GPR158: variants seen among roughly 807,000 people sequenced by gnomAD.
The protein encoded by GPR158 is G protein-coupled receptor 158.
GPR158 carries 30 observed loss-of-function variants against 78.2 expected under a neutral mutation model. The observed-to-expected ratio is 0.38, with a 90% CI of 0.29 to 0.52. The LOEUF is 0.52. Ranked by LOEUF, GPR158 falls within the 20% of genes least tolerant of loss-of-function variation. The pLI is 0.83. For synonymous variants in GPR158, 581 were observed against 591.1 expected, an observed-to-expected ratio of 0.98 and a Z score of 0.25; for missense variants, 1,463 against 1,523.5, an observed-to-expected ratio of 0.96 and a Z score of 0.66.
intron 2 of GPR158, among the ~76,000 whole-genome samples, chr10:25,232,440 A>G (rs1016367789): frequency 1.1e-4 from 16 of 152,222 alleles, no homozygotes; most frequent in African/African-American, 3.9e-4. Context: ...GAGCAAGTGA[A>G]GAATCATGTT....
intron 6 of GPR158, among the ~76,000 whole-genome samples, chr10:25,557,623 G>C (rs564512617): frequency 6.6e-6 from 1 of 152,294 alleles, no homozygotes; most frequent in South Asian, 2.1e-4. Context: ...AACTGGGTTG[G>C]TATATACATT....
At chr10:25,228,891 C>T (rs1013735295) in intron 2 of GPR158, among the ~76,000 whole-genome samples, 4 of 151,902 alleles carry the variant, frequency 2.6e-5, no homozygotes, top group Non-Finnish European at 4.4e-5. Context: ...AAAAATTATT[C>T]GGTTGTGGTG....
At chr10:25,596,564 T>C (rs1325376323) in intron 9 of GPR158, 79 bp from the exon 10 acceptor site, 13 of 934,388 alleles carry the variant, frequency 1.4e-5, no homozygotes, top group Non-Finnish European at 1.9e-5. Context: ...TATATAGATA[T>C]AGGTATAGAT....
At chr10:25,180,558 C>T (rs980710869) in intron 1 of GPR158, among the ~76,000 whole-genome samples, 1 of 152,106 alleles carries the variant, frequency 6.6e-6, no homozygotes, top group African/African-American at 2.4e-5. Context: ...TTTGGGCCAA[C>T]AATGCAACCA....
rs570850937 is a variant in GPR158, at chr10:25,354,210, C to T, written c.1009-41701C>T. Among the ~76,000 whole-genome samples, 4 of 151,960 alleles carry T rather than the reference C, an allele frequency of 2.6e-5. No individual in the cohort carries two copies. The Middle Eastern group carries it at 0.01, about 388-fold the overall frequency. ...CTCTACTAAAAATACAAAAAATTAG[C>T]CAGGCGTGGTGGCTCATGCCTGTAA... On this transcript the variant is annotated intron_variant, in intron 2 of 10. Coordinates refer to ENST00000376351, the MANE Select transcript of GPR158 (RefSeq NM_020752.3).
chr10:25,310,912 T>A (rs1854754672), intron 2 of GPR158, among the ~76,000 whole-genome samples: 1 of 152,066 alleles, frequency 6.6e-6, no homozygotes, highest in Admixed American at 6.6e-5. Flanking sequence ...GATCTGATTT[T>A]ATCTTTCCTC....
intron 7 of GPR158, among the ~76,000 whole-genome samples, chr10:25,583,830 T>C (rs180976962): frequency 6.6e-6 from 1 of 152,186 alleles, no homozygotes; most frequent in Admixed American, 6.5e-5. Flanking sequence ...TAAAGTGTTA[T>C]TAATACAAAA....
chr10:25,380,819 T>A (rs181416036), intron 2 of GPR158, among the ~76,000 whole-genome samples: 1 of 152,162 alleles, frequency 6.6e-6, no homozygotes, highest in South Asian at 2.1e-4. Context: ...TATTGAGTGA[T>A]TATAGAGGCT....
At chr10:25,515,254 A>G (rs1836147640) in intron 5 of GPR158, among the ~76,000 whole-genome samples, 1 of 151,948 alleles carries the variant, frequency 6.6e-6, no homozygotes, top group African/African-American at 2.4e-5. Context: ...TGAGCTCTCA[A>G]GTTCTTTCTT....
chr10:25,582,993 T>G (rs1039665535), intron 7 of GPR158, among the ~76,000 whole-genome samples: 3 of 152,198 alleles, frequency 2.0e-5, no homozygotes, highest in Non-Finnish European at 4.4e-5. Flanking sequence ...TAAGAAAATC[T>G]CAGCCAAGAA....
chr10:25,248,407 G>A (rs904104549), intron 2 of GPR158, among the ~76,000 whole-genome samples: 6 of 152,076 alleles, frequency 3.9e-5, no homozygotes, highest in Non-Finnish European at 7.4e-5. Context: ...TGTCCTGAAT[G>A]GTAATGCCTA....
chr10:25,295,900 A>G (rs1354397189), intron 2 of GPR158, among the ~76,000 whole-genome samples: 1 of 152,108 alleles, frequency 6.6e-6, no homozygotes, highest in African/African-American at 2.4e-5. Context: ...CAATTCTTCA[A>G]GGAGGCCTTC....
At chr10:25,563,107 C>CGTAAAATATCATTTGCTGCCTT (rs143060011) in intron 6 of GPR158, among the ~76,000 whole-genome samples, 16,972 of 151,934 alleles carry the variant, frequency 0.11, 1,707 homozygotes, top group African/African-American at 0.26. Context: ...TTATTATTTA[C>CGTAAAATATCATTTGCTGCCTT]GTAAAATATC....
At chr10:25,433,848 T>TGTG (rs1315650390) in intron 4 of GPR158, among the ~76,000 whole-genome samples, 2 of 151,852 alleles carry the variant, frequency 1.3e-5, no homozygotes, top group Non-Finnish European at 2.9e-5. Flanking sequence ...TCTCTTTCTC[T>TGTG]GTGTTCTCCT....
chr10:25,549,468 T>G (rs11014602), intron 5 of GPR158, among the ~76,000 whole-genome samples: 24,826 of 152,072 alleles, frequency 0.16, 4,310 homozygotes, highest in African/African-American at 0.43. Context: ...TTTACTTTTT[T>G]TTTTCCTGAA....
intron 8 of GPR158, among the ~76,000 whole-genome samples, chr10:25,590,104 T>TG (rs1337623068): frequency 6.6e-6 from 1 of 152,014 alleles, no homozygotes; most frequent in African/African-American, 2.4e-5. Flanking sequence ...GTTGTGGGTC[T>TG]GGGGGAATTT....
chr10:25,185,019 C>G (rs1030535015), intron 1 of GPR158, among the ~76,000 whole-genome samples: 6 of 152,178 alleles, frequency 3.9e-5, no homozygotes, highest in African/African-American at 1.4e-4. Context: ...TTCAGCAGCA[C>G]CTCTGGCTTC....
At chr10:25,503,514 A>G (rs2130660633) in intron 5 of GPR158, among the ~76,000 whole-genome samples, 1 of 152,346 alleles carries the variant, frequency 6.6e-6, no homozygotes, top group African/African-American at 2.4e-5. Flanking sequence ...AAGTGCAGTC[A>G]GCATAGGCAA....
At chr10:25,575,125 G>A (rs968805130) in intron 7 of GPR158, among the ~76,000 whole-genome samples, 3 of 151,978 alleles carry the variant, frequency 2.0e-5, no homozygotes, top group Non-Finnish European at 4.4e-5. Context: ...AAACATGGAG[G>A]AAATGCCTAC....
Sources: gnomAD v4.1 joint callset for allele counts (sites outside exome capture counted in the v4.1 genomes callset) on GRCh38, gnomAD v4.1.1 for gene constraint, MANE v1.5 for transcripts, NCBI Gene and HGNC (gene_info 2026-07-23, HGNC 2026-07-21) for gene names.